CLNK: variants seen among roughly 807,000 people sequenced by gnomAD.
CLNK encodes cytokine-dependent hematopoietic cell linker.
CLNK carries 74 observed loss-of-function variants against 68.6 expected under a neutral mutation model. That is an observed-to-expected ratio of 1.08 (90% CI 0.89 to 1.31). CLNK has a LOEUF of 1.31. CLNK is among the 50% of genes most tolerant of loss of function. CLNK has a pLI of 0.00. For synonymous variants in CLNK, 198 were observed against 172.2 expected (o/e 1.15, Z -1.17); for missense variants, 553 against 515.3 (o/e 1.07, Z -0.71).
intron 2 of CLNK, among the ~76,000 whole-genome samples, chr4:10,664,406 C>G (rs1043046456): frequency 6.6e-6 from 1 of 152,182 alleles, no homozygotes; most frequent in African/African-American, 2.4e-5. Flanking sequence ...AACTACCCCA[C>G]AAGGCACAGC....
At chr4:10,721,235 G>T in the CLNK span, among the ~76,000 whole-genome samples, 18 of 152,214 alleles carry the variant, frequency 1.2e-4, 1 homozygote, top group East Asian at 3.5e-3. Flanking sequence ...GCTGCATCCT[G>T]GTGATGATGG....
chr4:10,558,572 G>T, intron 7 of CLNK, 120 bp from the exon 8 acceptor site: 1 of 849,726 alleles, frequency 1.2e-6, no homozygotes. Context: ...GGGCTCTCTG[G>T]TTTTCAATGT....
intron 8 of CLNK, among the ~76,000 whole-genome samples, chr4:10,543,205 G>C (rs1334918567): frequency 6.6e-6 from 1 of 152,154 alleles, no homozygotes; most frequent in East Asian, 1.9e-4. Context: ...AGTAGAGAAG[G>C]ACAAAGTATT....
At chr4:10,552,121 G>A (rs1191609919) in intron 8 of CLNK, among the ~76,000 whole-genome samples, 1 of 152,050 alleles carries the variant, frequency 6.6e-6, no homozygotes, top group Admixed American at 6.5e-5. Context: ...CTCCCAAAGT[G>A]TTGGGATTAC....
chr4:10,726,234 G>T, the CLNK span, among the ~76,000 whole-genome samples: 4 of 152,132 alleles, frequency 2.6e-5, no homozygotes, highest in Admixed American at 1.3e-4. Context: ...CGATTCTCCT[G>T]CCTCACGCCT....
chr4:10,500,001 T>TCCTCA (rs1716974865), intron 18 of CLNK, among the ~76,000 whole-genome samples: 1 of 151,964 alleles, frequency 6.6e-6, no homozygotes, highest in Non-Finnish European at 1.5e-5. Flanking sequence ...AACGTGTGGG[T>TCCTCA]TTTTTGGAAT....
intron 5 of CLNK, among the ~76,000 whole-genome samples, chr4:10,568,255 T>C (rs752880671): frequency 2.6e-5 from 4 of 152,264 alleles, no homozygotes; most frequent in Non-Finnish European, 5.9e-5. Context: ...CTTGATAATA[T>C]TACGTTAAAT....
chr4:10,491,875 T>G (rs139525913), intron 18 of CLNK, among the ~76,000 whole-genome samples: 2,041 of 152,296 alleles, frequency 0.013, 23 homozygotes, highest in South Asian at 0.027. Flanking sequence ...ATCACCCAGA[T>G]AATATACATT....
chr4:10,540,990 G>A (rs992016935), intron 10 of CLNK, among the ~76,000 whole-genome samples: 4 of 152,002 alleles, frequency 2.6e-5, no homozygotes, highest in Admixed American at 2.0e-4. Flanking sequence ...TGAGGTGGGC[G>A]TATCACCTGA....
intron 2 of CLNK, among the ~76,000 whole-genome samples, chr4:10,643,855 A>T (rs1014477820): frequency 6.6e-6 from 1 of 152,160 alleles, no homozygotes; most frequent in Admixed American, 6.5e-5. Context: ...ATGCTCTTAG[A>T]TGGTTTATAA....
chr4:10,600,365 A>G (rs1459825435), intron 2 of CLNK, among the ~76,000 whole-genome samples: 1 of 152,246 alleles, frequency 6.6e-6, no homozygotes, highest in Non-Finnish European at 1.5e-5. Flanking sequence ...CATTTACTCA[A>G]CAAATAGTTA....
intron 14 of CLNK, among the ~76,000 whole-genome samples, chr4:10,525,445 G>T (rs1718271652): frequency 6.6e-6 from 1 of 152,178 alleles, no homozygotes; most frequent in Non-Finnish European, 1.5e-5. Flanking sequence ...ATCTGATGAT[G>T]GCATTTTCAA....
At chr4:10,535,225 A>G (rs1718703574) in intron 11 of CLNK, among the ~76,000 whole-genome samples, 1 of 80,996 alleles carries the variant, frequency 1.2e-5, no homozygotes, top group Non-Finnish European at 2.6e-5. Flanking sequence ...GAAAGAAAGA[A>G]AGAAAGAAAG....
At chr4:10,573,561 G>A (rs907445918) in intron 4 of CLNK, among the ~76,000 whole-genome samples, 4 of 152,106 alleles carry the variant, frequency 2.6e-5, no homozygotes, top group Admixed American at 6.5e-5. Context: ...AATTAATAAG[G>A]TCACCCATTA....
At chr4:10,624,841 T>C (rs1212366433) in intron 2 of CLNK, among the ~76,000 whole-genome samples, 1 of 152,112 alleles carries the variant, frequency 6.6e-6, no homozygotes, top group Non-Finnish European at 1.5e-5. Flanking sequence ...TCCAAACTTT[T>C]TGTGTTATGG....
intron 2 of CLNK, among the ~76,000 whole-genome samples, chr4:10,634,346 A>G (rs1200686748): frequency 1.3e-5 from 2 of 152,216 alleles, no homozygotes; most frequent in South Asian, 2.1e-4. Context: ...TCAGTGGGCA[A>G]GGCTGGAGAC....
At chr4:10,708,742 G>T in the CLNK span, among the ~76,000 whole-genome samples, 1 of 152,174 alleles carries the variant, frequency 6.6e-6, no homozygotes, top group Non-Finnish European at 1.5e-5. Context: ...GCCTGGAGTG[G>T]ATAAAGCAGA....
chr4:10,503,361 C>A (rs1379847787), intron 17 of CLNK, among the ~76,000 whole-genome samples: 1 of 151,764 alleles, frequency 6.6e-6, no homozygotes, highest in Non-Finnish European at 1.5e-5. Context: ...ACTCCAGAGG[C>A]TGAGGCAGGA....
chr4:10,642,185 C>G (rs1723333201), intron 2 of CLNK, among the ~76,000 whole-genome samples: 1 of 152,156 alleles, frequency 6.6e-6, no homozygotes, highest in African/African-American at 2.4e-5. Context: ...ACATACATAG[C>G]ATCCTTTACT....
Sources: allele counts gnomAD v4.1 joint callset (sites outside exome capture counted in the v4.1 genomes callset), GRCh38; gene constraint gnomAD v4.1.1; transcripts MANE v1.5; gene names NCBI Gene and HGNC (gene_info 2026-07-23, HGNC 2026-07-21).